The following HIPK3 variants were observed in gnomAD, a reference collection of about 807,000 sequenced individuals.
The protein encoded by HIPK3 is homeodomain interacting protein kinase 3.
Under a neutral mutation model 124.2 loss-of-function variants are expected in HIPK3, and 47 were observed. The observed-to-expected ratio is 0.38, with a 90% CI of 0.30 to 0.48. HIPK3 has a LOEUF of 0.48. HIPK3 is among the 20% of genes least tolerant of loss of function. The pLI is 0.98. For synonymous variants in HIPK3, 482 were observed against 515.2 expected (o/e 0.94, Z 0.87); for missense variants, 1,286 against 1,454.3 (o/e 0.88, Z 1.88).
At chr11:33,318,465 T>TAGTA (rs1852570042) in intron 2 of HIPK3, among the ~76,000 whole-genome samples, 3 of 152,232 alleles carry the variant, frequency 2.0e-5, no homozygotes, top group Non-Finnish European at 4.4e-5. Context: ...TACCTCTTAC[T>TAGTA]AGCTGTGTGA....
chr11:33,273,512 CAAAAAAAAAAA>C (rs398015727), intron 1 of HIPK3, among the ~76,000 whole-genome samples: 2 of 48,036 alleles, frequency 4.2e-5, no homozygotes, highest in South Asian at 1.9e-3. Context: ...TCTGTCTCCA[CAAAAAAAAAAA>C]AAAAAAAAAA....
intron 2 of HIPK3, among the ~76,000 whole-genome samples, chr11:33,293,300 ACAAT>A (rs886827340): frequency 4.6e-5 from 7 of 152,194 alleles, no homozygotes; most frequent in Admixed American, 1.3e-4. Flanking sequence ...CATCATCAGC[ACAAT>A]CAATTAAAAT....
At chr11:33,310,426 G>T (rs1852301606) in intron 2 of HIPK3, among the ~76,000 whole-genome samples, 1 of 152,030 alleles carries the variant, frequency 6.6e-6, no homozygotes. Flanking sequence ...CTGCCTCTCA[G>T]CCTCCTGAGT....
At chr11:33,308,613 G>T (rs558004127) in intron 2 of HIPK3, among the ~76,000 whole-genome samples, 37 of 147,474 alleles carry the variant, frequency 2.5e-4, no homozygotes, top group Admixed American at 6.8e-5. Context: ...TGTGCCTAGG[G>T]GTGTGTGTGT....
chr11:33,302,454 A>G (rs1413879874), intron 2 of HIPK3, among the ~76,000 whole-genome samples: 1 of 149,432 alleles, frequency 6.7e-6, no homozygotes, highest in Non-Finnish European at 1.5e-5. Flanking sequence ...CTCCTGCCTC[A>G]GCCTCCCAAA....
intron 1 of HIPK3, among the ~76,000 whole-genome samples, chr11:33,280,942 T>A (rs1457437974): frequency 6.6e-6 from 1 of 152,170 alleles, no homozygotes; most frequent in East Asian, 1.9e-4. Context: ...CAGATTTTAG[T>A]GTGACTCTAC....
At chr11:33,299,532 G>A (rs1338523395) in intron 2 of HIPK3, among the ~76,000 whole-genome samples, 5 of 152,058 alleles carry the variant, frequency 3.3e-5, no homozygotes, top group Admixed American at 3.3e-4. Context: ...TGGAGATGCT[G>A]TGAACAATTG....
At chr11:33,269,943 T>C (rs1851077649) in intron 1 of HIPK3, among the ~76,000 whole-genome samples, 1 of 152,134 alleles carries the variant, frequency 6.6e-6, no homozygotes, top group South Asian at 2.1e-4. Context: ...TCCTCATTTC[T>C]ATTGCCCTGT....
At chr11:33,330,952 C>T (rs1248871355) in intron 3 of HIPK3, among the ~76,000 whole-genome samples, 1 of 151,720 alleles carries the variant, frequency 6.6e-6, no homozygotes, top group African/African-American at 2.4e-5. Context: ...GGTTCCATCT[C>T]GGCTCACTGC....
intron 1 of HIPK3, among the ~76,000 whole-genome samples, chr11:33,282,230 T>TA (rs11464951): frequency 0.024 from 3,676 of 151,426 alleles, 141 homozygotes; most frequent in African/African-American, 0.084. Flanking sequence ...CTACAAAATT[T>TA]AAAAATTAGC....
chr11:33,289,033 T>A (rs1349666853), intron 2 of HIPK3, among the ~76,000 whole-genome samples: 1 of 152,172 alleles, frequency 6.6e-6, no homozygotes, highest in Non-Finnish European at 1.5e-5. Flanking sequence ...GTGCCCAGTA[T>A]AAAATAAAGG....
chr11:33,290,473 G>T (rs1394804511), intron 2 of HIPK3, among the ~76,000 whole-genome samples: 1 of 151,786 alleles, frequency 6.6e-6, no homozygotes, highest in Admixed American at 6.6e-5. Flanking sequence ...TTAGTAGTGA[G>T]CTAGCATATT....
At chr11:33,287,643 G>A in intron 2 of HIPK3, 132 bp downstream of exon 2, 2 of 1,040,636 alleles carry the variant, frequency 1.9e-6, no homozygotes, top group Admixed American at 5.0e-5. Flanking sequence ...GATCAATTTA[G>A]GTTCGTTTTA....
intron 8 of HIPK3, among the ~76,000 whole-genome samples, chr11:33,345,232 CTTTTAAA>C (rs1180727633): frequency 6.6e-6 from 1 of 151,964 alleles, no homozygotes; most frequent in Non-Finnish European, 1.5e-5. Context: ...ATTAAACAAG[CTTTTAAA>C]ATTATTTAGT....
intron 1 of HIPK3, among the ~76,000 whole-genome samples, chr11:33,275,672 C>T (rs1331441125): frequency 1.3e-5 from 2 of 151,976 alleles, no homozygotes; most frequent in East Asian, 3.9e-4. Context: ...ATGGTTCTGT[C>T]CTTTGAAGAA....
chr11:33,310,646 G>A (rs1156368927), intron 2 of HIPK3, among the ~76,000 whole-genome samples: 1 of 152,118 alleles, frequency 6.6e-6, no homozygotes, highest in Non-Finnish European at 1.5e-5. Context: ...AATAAAATTT[G>A]CAATTAAATT....
chr11:33,336,445 T>G (rs751466233), intron 3 of HIPK3, among the ~76,000 whole-genome samples: 2 of 152,166 alleles, frequency 1.3e-5, no homozygotes, highest in Non-Finnish European at 2.9e-5. Flanking sequence ...TTGAATCCAT[T>G]CCTTCCTCTC....
At chr11:33,269,345 C>A (rs1213477655) in intron 1 of HIPK3, among the ~76,000 whole-genome samples, 5 of 152,294 alleles carry the variant, frequency 3.3e-5, no homozygotes, top group South Asian at 2.1e-4. Flanking sequence ...GGATTTCACT[C>A]CTCTCTCAAG....
intron 1 of HIPK3, among the ~76,000 whole-genome samples, chr11:33,264,104 A>G (rs1358215971): frequency 6.6e-6 from 1 of 152,086 alleles, no homozygotes; most frequent in East Asian, 1.9e-4. Context: ...TATCTCTTAA[A>G]GACTAGATTT....
Sources: gnomAD v4.1 joint callset for allele counts (sites outside exome capture counted in the v4.1 genomes callset) on GRCh38, gnomAD v4.1.1 for gene constraint, MANE v1.5 for transcripts, NCBI Gene and HGNC (gene_info 2026-07-23, HGNC 2026-07-21) for gene names.